LAMA2: variants seen among roughly 807,000 people sequenced by gnomAD.
The protein encoded by LAMA2 is laminin subunit alpha 2.
Under a neutral mutation model 364.8 loss-of-function variants are expected in LAMA2, and 269 were observed. The observed-to-expected ratio is 0.74, with a 90% CI of 0.67 to 0.82. LAMA2 has a LOEUF of 0.82. Ranked by LOEUF, LAMA2 falls within the 40% of genes least tolerant of loss-of-function variation. The pLI is 0.00. For synonymous variants in LAMA2, 1,379 were observed against 1,370.6 expected (o/e 1.01, Z -0.14); for missense variants, 3,807 against 3,873.2 (o/e 0.98, Z 0.45).
chr6:129,317,825 T>C (rs1774707204), intron 27 of LAMA2, among the ~76,000 whole-genome samples: 1 of 152,074 alleles, frequency 6.6e-6, no homozygotes, highest in Non-Finnish European at 1.5e-5. Context: ...GAAACAATAT[T>C]GTCATTCATC....
intron 17 of LAMA2, among the ~76,000 whole-genome samples, chr6:129,273,583 G>A (rs1056263701): frequency 6.6e-6 from 1 of 152,094 alleles, no homozygotes; most frequent in African/African-American, 2.4e-5. Flanking sequence ...ATAATTATAG[G>A]CATTCATGAC....
intron 32 of LAMA2, among the ~76,000 whole-genome samples, chr6:129,353,830 T>C (rs1466928377): frequency 1.3e-5 from 2 of 152,334 alleles, no homozygotes; most frequent in East Asian, 3.9e-4. Flanking sequence ...TGCTTCATAA[T>C]TTTCTCTTGA....
chr6:129,345,328 CAGGGT>C (rs1776486547), intron 30 of LAMA2, among the ~76,000 whole-genome samples: 1 of 152,134 alleles, frequency 6.6e-6, no homozygotes, highest in African/African-American at 2.4e-5. Flanking sequence ...TTGTTATCAA[CAGGGT>C]AGGCCCGGTT....
chr6:128,888,425 A>G (rs1211309831), intron 1 of LAMA2, among the ~76,000 whole-genome samples: 1 of 152,266 alleles, frequency 6.6e-6, no homozygotes, highest in Non-Finnish European at 1.5e-5. Flanking sequence ...ATGATGAAGC[A>G]ACAAAAGAAC....
intron 3 of LAMA2, among the ~76,000 whole-genome samples, chr6:129,068,178 T>C (rs1773061643): frequency 6.6e-6 from 1 of 152,218 alleles, no homozygotes; most frequent in Non-Finnish European, 1.5e-5. Context: ...CACCAATCCA[T>C]AATTTAAGAA....
intron 1 of LAMA2, among the ~76,000 whole-genome samples, chr6:128,959,952 A>G (rs1781374795): frequency 6.6e-6 from 1 of 152,098 alleles, no homozygotes; most frequent in Non-Finnish European, 1.5e-5. Context: ...AACTAGATGT[A>G]TGCCTAAACA....
intron 3 of LAMA2, among the ~76,000 whole-genome samples, chr6:129,080,447 T>C (rs1773969292): frequency 6.6e-6 from 1 of 152,172 alleles, no homozygotes; most frequent in Admixed American, 6.5e-5. Flanking sequence ...ACTTAGGATT[T>C]ACCAAAAATG....
chr6:129,358,677 C>T (rs572689196), intron 32 of LAMA2, among the ~76,000 whole-genome samples: 3 of 152,090 alleles, frequency 2.0e-5, no homozygotes, highest in Admixed American at 6.6e-5. Context: ...TTTTCATCCT[C>T]TGTAAAATGG....
At chr6:129,164,913 T>C (rs1331143324) in intron 8 of LAMA2, among the ~76,000 whole-genome samples, 1 of 152,252 alleles carries the variant, frequency 6.6e-6, no homozygotes, top group Non-Finnish European at 1.5e-5. Flanking sequence ...TAATGACATT[T>C]AATTTATATG....
At chr6:129,320,418 C>T (rs1017185838) in intron 27 of LAMA2, 120 bp from the exon 28 acceptor site, 3 of 755,008 alleles carry the variant, frequency 4.0e-6, no homozygotes, top group Admixed American at 1.8e-5. Flanking sequence ...AACAAAAAGA[C>T]AATAGAACAT....
rs1046902101 is a variant in LAMA2, at chr6:129,288,138, T to C, written c.2749+80T>C. 3.3e-6 allele frequency: 4 copies of C among 1,201,978 alleles called. No individual in the cohort carries two copies. The African/African-American group carries it at 6.0e-5, about 18-fold the overall frequency. The allele number at this position is 1,201,978 out of a possible 1,614,324, so 74.5% of individuals were successfully genotyped here. On this transcript the variant is annotated intron_variant, in intron 19 of 64. Transcript: ENST00000421865. ...TAGCTGATGAGTTCTTGAGTGTGGATTGAAGAGTAGGAAATTATGTGGAAT... is the reference window on the plus strand; with the variant it reads ...TAGCTGATGAGTTCTTGAGTGTGGACTGAAGAGTAGGAAATTATGTGGAAT...
In LAMA2 at chr6:129,106,875, A is replaced by ATATATATAT. The variant is rs59504944; in HGVS notation, c.639+8460_639+8461insTATATATAT. Among the ~76,000 whole-genome samples, 9 of 142,650 alleles carry ATATATATAT rather than the reference A, an allele frequency of 6.3e-5. No homozygotes were observed. In the East Asian group the frequency reaches 1.0e-3, roughly 16 times the overall value. The allele number at this position is 142,650 out of a possible 152,430, so 93.6% of individuals were successfully genotyped here. A position where few individuals can be genotyped will look rare whatever the true frequency, so the allele number is the denominator to read the frequency against. On this transcript the variant is annotated intron_variant, in intron 4 of 64. Coordinates refer to ENST00000421865, the MANE Select transcript of LAMA2 (RefSeq NM_000426.4). ...CCTTACTCCTCCAAAAAAAAAAAAA[A>ATATATATAT]ATATATATATATATACAATGCCCAG...
At chr6:128,995,183 C>T (rs141994691) in intron 1 of LAMA2, among the ~76,000 whole-genome samples, 45 of 152,208 alleles carry the variant, frequency 3.0e-4, no homozygotes, top group African/African-American at 1.0e-3. Flanking sequence ...TGACTGTTTT[C>T]CATTTTATTT....
chr6:129,246,307 G>A (rs551713371), intron 12 of LAMA2, among the ~76,000 whole-genome samples: 16 of 152,280 alleles, frequency 1.1e-4, no homozygotes, highest in African/African-American at 3.6e-4. Context: ...CAAGTAAGCA[G>A]AAACATGGCT....
intron 40 of LAMA2, among the ~76,000 whole-genome samples, chr6:129,424,678 A>T (rs1034745986): frequency 6.6e-6 from 1 of 152,084 alleles, no homozygotes; most frequent in African/African-American, 2.4e-5. Flanking sequence ...ACCAGTTAGA[A>T]TGTCTAAAAT....
At chr6:129,295,789 G>GTATA (rs201661795) in intron 20 of LAMA2, among the ~76,000 whole-genome samples, 1 of 81,438 alleles carries the variant, frequency 1.2e-5, no homozygotes, top group African/African-American at 4.0e-5. Context: ...ATGAGTAAAT[G>GTATA]TATATATATA....
intron 8 of LAMA2, 32 bp downstream of exon 8, chr6:129,154,715 A>T (rs1562282212): frequency 1.3e-6 from 2 of 1,584,998 alleles, no homozygotes; most frequent in Non-Finnish European, 1.7e-6. Flanking sequence ...ATAAAGAGTT[A>T]TTTTTTTGCT....
intron 4 of LAMA2, among the ~76,000 whole-genome samples, chr6:129,119,396 T>A (rs1776668578): frequency 1.3e-5 from 2 of 152,114 alleles, no homozygotes; most frequent in Non-Finnish European, 2.9e-5. Context: ...ATTTCTAACT[T>A]TTCTTGATTA....
intron 12 of LAMA2, among the ~76,000 whole-genome samples, chr6:129,223,283 T>A (rs975368538): frequency 1.1e-4 from 17 of 152,180 alleles, no homozygotes; most frequent in Non-Finnish European, 2.2e-4. Context: ...CTTCTCCCAT[T>A]CTGTAGGTTG....
Sources: gnomAD v4.1 joint callset for allele counts (sites outside exome capture counted in the v4.1 genomes callset) on GRCh38, gnomAD v4.1.1 for gene constraint, MANE v1.5 for transcripts, NCBI Gene and HGNC (gene_info 2026-07-23, HGNC 2026-07-21) for gene names.